Variants in CNTNAP2 observed in about 807,000 individuals in gnomAD.
CNTNAP2 encodes contactin-associated protein-like 2.
Under a neutral mutation model 155.2 loss-of-function variants are expected in CNTNAP2, and 98 were observed. The observed-to-expected ratio is 0.63, with a 90% CI of 0.54 to 0.75. CNTNAP2 has a LOEUF of 0.75. CNTNAP2 is among the 30% of genes least tolerant of loss of function. CNTNAP2 has a pLI of 0.00. For missense variants in CNTNAP2, 1,727 were observed against 1,688.1 expected (o/e 1.02, Z -0.40); for synonymous variants, 651 against 631.2 (o/e 1.03, Z -0.47).
intron 4 of CNTNAP2, among the ~76,000 whole-genome samples, chr7:147,097,769 T>C (rs1318146701): frequency 3.3e-5 from 5 of 152,170 alleles, no homozygotes; most frequent in African/African-American, 1.2e-4. Context: ...AGTAACAAAC[T>C]AAGATTCTGT....
rs1275255444 is a variant in CNTNAP2, at chr7:147,032,457, C to T, written c.403-11450C>T. ...TCTGGCCATAAATCCTAAGTTCATT[C>T]CTATATGTTTGTCTTCTGTTTCTGT... On this transcript the variant is annotated intron_variant, in intron 3 of 23. Transcript: ENST00000361727. 4.6e-5 allele frequency among the ~76,000 whole-genome samples: 7 copies of T among 152,132 alleles called. No homozygotes were observed. The South Asian group carries it at 1.4e-3, about 31-fold the overall frequency.
At position 147,255,951 on chromosome 7, in the gene CNTNAP2, G is replaced by C. The variant is rs79462357; in HGVS notation, c.1349-44190G>C. On this transcript the variant is annotated intron_variant, in intron 8 of 23. Coordinates refer to ENST00000361727, the MANE Select transcript of CNTNAP2 (RefSeq NM_014141.6). ...AGACAGGATTTCACTACATTGGCCA[G>C]GCTGGTCTCGAACTCCTCACCTCAA... is the stretch of plus-strand genomic sequence containing the variant. 2.8e-4 allele frequency among the ~76,000 whole-genome samples: 43 copies of C among 152,100 alleles called. No individual in the cohort carries two copies. In the East Asian group the frequency reaches 8.1e-3, roughly 29 times the overall value.
At chr7:146,337,885 G>A (rs1275042648) in intron 1 of CNTNAP2, among the ~76,000 whole-genome samples, 2 of 152,066 alleles carry the variant, frequency 1.3e-5, no homozygotes, top group Non-Finnish European at 2.9e-5. Context: ...ATGGTAAAAC[G>A]GCAAACCTCT....
At chr7:146,752,521 C>T (rs1262977824) in intron 1 of CNTNAP2, among the ~76,000 whole-genome samples, 2 of 152,006 alleles carry the variant, frequency 1.3e-5, no homozygotes, top group African/African-American at 4.8e-5. Flanking sequence ...GATATTAGAC[C>T]TTTGTCAGAT....
chr7:148,364,118 C>T (rs377630096), intron 21 of CNTNAP2, among the ~76,000 whole-genome samples: 3 of 152,300 alleles, frequency 2.0e-5, no homozygotes, highest in Non-Finnish European at 2.9e-5. Context: ...CTGTGCGGCC[C>T]GAGCCTCCCC....
intron 13 of CNTNAP2, among the ~76,000 whole-genome samples, chr7:147,751,811 C>A (rs973488527): frequency 1.3e-5 from 2 of 152,156 alleles, no homozygotes; most frequent in African/African-American, 2.4e-5. Flanking sequence ...CTCTTAGGTA[C>A]CTGCATTATA....
In CNTNAP2 at chr7:148,039,929, G is replaced by A. The variant is rs142727441; in HGVS notation, c.2383+61940G>A. Among the ~76,000 whole-genome samples the A allele has an allele frequency of 2.0e-5, 3 of 152,288 alleles. No homozygotes were observed. The East Asian group carries it at 5.8e-4, about 29-fold the overall frequency. On this transcript the variant is annotated intron_variant, in intron 15 of 23. Coordinates refer to ENST00000361727, the MANE Select transcript of CNTNAP2 (RefSeq NM_014141.6). ...GTAGTTGTTTCCTGAATTACTAAAT[G>A]GAAGCTTTATTAGGAAGTATTCTCT...
chr7:147,235,582 G>A (rs111232391), intron 8 of CNTNAP2, among the ~76,000 whole-genome samples: 410 of 151,878 alleles, frequency 2.7e-3, no homozygotes, highest in African/African-American at 9.2e-3. Flanking sequence ...TACTTATATC[G>A]GTATGGATTA....
At chr7:148,031,306 G>C (rs1053361706) in intron 15 of CNTNAP2, among the ~76,000 whole-genome samples, 11 of 152,178 alleles carry the variant, frequency 7.2e-5, no homozygotes, top group Admixed American at 4.6e-4. Context: ...GTTTTCTAAT[G>C]TAAGTGCTCT....
At chr7:147,999,996 T>C (rs73747312) in intron 15 of CNTNAP2, among the ~76,000 whole-genome samples, 30 of 152,304 alleles carry the variant, frequency 2.0e-4, no homozygotes, top group African/African-American at 7.2e-4. Context: ...TTTGGTACTT[T>C]GTTAAAGTAG....
intron 3 of CNTNAP2, among the ~76,000 whole-genome samples, chr7:146,940,222 T>C (rs189947390): frequency 6.6e-6 from 1 of 152,242 alleles, no homozygotes; most frequent in African/African-American, 2.4e-5. Flanking sequence ...TTATTTATTT[T>C]TTGAGATGGA....
At chr7:147,575,417 T>A (rs1800378703) in intron 12 of CNTNAP2, among the ~76,000 whole-genome samples, 2 of 136,282 alleles carry the variant, frequency 1.5e-5, no homozygotes, top group Non-Finnish European at 3.1e-5. Flanking sequence ...TTCCCTAGCT[T>A]TAGGGGTATA....
intron 1 of CNTNAP2, among the ~76,000 whole-genome samples, chr7:146,390,054 C>T (rs1345897971): frequency 1.3e-5 from 2 of 151,838 alleles, no homozygotes; most frequent in Non-Finnish European, 2.9e-5. Context: ...TGGTCTCACC[C>T]TAAACTTGCC....
intron 1 of CNTNAP2, among the ~76,000 whole-genome samples, chr7:146,494,379 A>C (rs1296659547): frequency 1.3e-5 from 2 of 151,814 alleles, no homozygotes; most frequent in African/African-American, 4.8e-5. Flanking sequence ...ATAAAAATAA[A>C]AATGCTTTGT....
chr7:146,662,042 A>G (rs2129166155), intron 1 of CNTNAP2, among the ~76,000 whole-genome samples: 1 of 151,980 alleles, frequency 6.6e-6, no homozygotes, highest in East Asian at 1.9e-4. Flanking sequence ...TAATTCACTC[A>G]TGGTCAATGA....
chr7:147,402,378 C>T (rs1208716380), intron 10 of CNTNAP2, among the ~76,000 whole-genome samples: 3 of 152,210 alleles, frequency 2.0e-5, no homozygotes, highest in African/African-American at 7.2e-5. Flanking sequence ...CTGCCACCCA[C>T]TGTCATGACA....
At chr7:147,004,071 T>A (rs986264842) in intron 3 of CNTNAP2, among the ~76,000 whole-genome samples, 31 of 152,052 alleles carry the variant, frequency 2.0e-4, no homozygotes, top group African/African-American at 6.5e-4. Flanking sequence ...GCTTGTTAAT[T>A]AGGTACAATA....
chr7:146,405,698 A>G (rs1318324375), intron 1 of CNTNAP2, among the ~76,000 whole-genome samples: 2 of 152,230 alleles, frequency 1.3e-5, no homozygotes, highest in Non-Finnish European at 2.9e-5. Flanking sequence ...TTGTGTTTGA[A>G]GCAAATATTC....
chr7:147,697,037 G>A (rs1796170773), intron 13 of CNTNAP2, among the ~76,000 whole-genome samples: 1 of 152,016 alleles, frequency 6.6e-6, no homozygotes, highest in East Asian at 1.9e-4. Context: ...TATTTCTGTA[G>A]TTTGATGTCT....
Sources: allele counts gnomAD v4.1 joint callset (sites outside exome capture counted in the v4.1 genomes callset), GRCh38; gene constraint gnomAD v4.1.1; transcripts MANE v1.5; gene names NCBI Gene and HGNC (gene_info 2026-07-23, HGNC 2026-07-21).